QSER1: variants seen among roughly 807,000 people sequenced by gnomAD.
QSER1 encodes glutamine and serine rich 1, also known as glutamine and serine-rich protein 1.
Under a neutral mutation model 158.5 loss-of-function variants are expected in QSER1, and 49 were observed. The ratio of observed to expected loss-of-function variants is 0.31; its 90% CI spans 0.25 to 0.39. The LOEUF (loss-of-function observed/expected upper bound fraction) is 0.39. Ranked by LOEUF, QSER1 falls within the 10% of genes least tolerant of loss-of-function variation. The pLI is 1.00. For synonymous variants in QSER1, 650 were observed against 715.5 expected (o/e 0.91, Z 1.46); for missense variants, 1,754 against 2,010.3 (o/e 0.87, Z 2.44).
chr11:32,904,461 A>G (rs1851665625), intron 1 of QSER1, among the ~76,000 whole-genome samples: 2 of 152,116 alleles, frequency 1.3e-5, no homozygotes, highest in Non-Finnish European at 2.9e-5. Flanking sequence ...AAGTGCTGGG[A>G]TTACAGGTGT....
chr11:32,909,207 C>T (rs191930724), intron 1 of QSER1, among the ~76,000 whole-genome samples: 1 of 152,106 alleles, frequency 6.6e-6, no homozygotes, highest in Non-Finnish European at 1.5e-5. Context: ...CATGTCTGTG[C>T]CACACTTGTG....
At chr11:32,950,807 C>T (rs1020625211) in intron 4 of QSER1, among the ~76,000 whole-genome samples, 1 of 152,260 alleles carries the variant, frequency 6.6e-6, no homozygotes, top group Admixed American at 6.5e-5. Flanking sequence ...TTTCATTTAG[C>T]ATAATGTTTT....
In QSER1 at chr11:32,964,739, TACACACAC is replaced by T. The variant is rs1176492165; in HGVS notation, c.4970-1525_4970-1518del. Among the ~76,000 whole-genome samples, 18 of 100,754 alleles carry T rather than the reference TACACACAC, an allele frequency of 1.8e-4. No individual in the cohort carries two copies. The East Asian group carries it at 1.8e-3, about 10-fold the overall frequency. 66.1% of individuals were successfully genotyped at this position (100,754 alleles called of 152,430 possible). On this transcript the variant is annotated intron_variant, in intron 8 of 12. Transcript: ENST00000650167. ...CACCATATATATATATATATATATA[TACACACAC>T]ACACACACACACACACACACACACA...
chr11:32,946,215 C>T (rs1852329022), intron 4 of QSER1, among the ~76,000 whole-genome samples: 1 of 152,172 alleles, frequency 6.6e-6, no homozygotes. Context: ...ATTTGATCGT[C>T]TGAAGCCTTC....
At chr11:32,957,669 C>T (rs1206482086) in intron 7 of QSER1, 200 bp from the exon 8 acceptor site, 1 of 544,920 alleles carries the variant, frequency 1.8e-6, no homozygotes, top group Non-Finnish European at 3.2e-6. Context: ...ATATTGAATG[C>T]TTCTGGTGAA....
intron 2 of QSER1, 45 bp from the exon 3 acceptor site, chr11:32,927,917 A>AT (rs60934028): frequency 0.64 from 252,601 of 394,620 alleles, 60,003 homozygotes; most frequent in African/African-American, 0.75. Context: ...ATACAAGTAA[A>AT]TTTTTTTTTT....
chr11:32,951,375 C>T (rs1007155235), intron 4 of QSER1, among the ~76,000 whole-genome samples: 5 of 152,156 alleles, frequency 3.3e-5, no homozygotes, highest in African/African-American at 1.2e-4. Flanking sequence ...AGTCTGCCAA[C>T]TTTGTTCTTT....
At chr11:32,905,428 A>C (rs990447312) in intron 1 of QSER1, among the ~76,000 whole-genome samples, 3 of 152,228 alleles carry the variant, frequency 2.0e-5, no homozygotes, top group Non-Finnish European at 2.9e-5. Flanking sequence ...TTTAGACATT[A>C]AACTACTTCA....
chr11:32,904,474 G>A (rs560300281), intron 1 of QSER1, among the ~76,000 whole-genome samples: 7 of 152,280 alleles, frequency 4.6e-5, no homozygotes, highest in African/African-American at 1.4e-4. Context: ...ACAGGTGTGA[G>A]CCACTGCGCC....
intron 8 of QSER1, among the ~76,000 whole-genome samples, chr11:32,958,985 G>A (rs780268203): frequency 2.0e-5 from 3 of 152,080 alleles, no homozygotes; most frequent in Non-Finnish European, 4.4e-5. Context: ...ATGCATTTAT[G>A]TAGGTATATC....
chr11:32,947,777 T>C (rs1005145522), intron 4 of QSER1, among the ~76,000 whole-genome samples: 1 of 152,232 alleles, frequency 6.6e-6, no homozygotes, highest in African/African-American at 2.4e-5. Context: ...TAATACTGTT[T>C]ACTTGATATT....
chr11:32,916,617 G>T (rs936535212), intron 1 of QSER1, among the ~76,000 whole-genome samples: 3 of 152,148 alleles, frequency 2.0e-5, no homozygotes, highest in African/African-American at 7.2e-5. Context: ...CTACAAACCT[G>T]TACAGGATCT....
At position 32,978,641 on chromosome 11, in the gene QSER1, CTGCAGTTGCCCTCAAACTGCT is replaced by C. The variant is rs1300862231; in HGVS notation, c.*2176_*2196del. The C allele has an allele frequency of 6.6e-6, 1 of 152,174 alleles. No homozygotes were observed. Among genetic ancestry groups the C allele is most frequent in the Non-Finnish European group, 1.5e-5 (1 of 68,038 alleles). 9.4% of individuals were successfully genotyped at this position (152,174 alleles called of 1,614,324 possible). A position where few individuals can be genotyped will look rare whatever the true frequency, so the allele number is the denominator to read the frequency against. ...AGAAAATAACCCATTTCCTTTGGCA[CTGCAGTTGCCCTCAAACTGCT>C]TGCAGTTGTATTCATTTTAGTACAA... On this transcript the variant is annotated 3_prime_UTR_variant, in exon 13 of 13. Transcript: ENST00000650167.
chr11:32,909,493 G>T (rs1249623780), intron 1 of QSER1, among the ~76,000 whole-genome samples: 3 of 151,268 alleles, frequency 2.0e-5, no homozygotes, highest in Non-Finnish European at 4.4e-5. Context: ...AGGCTGGAGT[G>T]CAGTAGCACG....
chr11:32,934,318 G>A lies in QSER1; in HGVS notation c.3060G>A (p.Gln1020=), dbSNP rs1264911701. The A allele has an allele frequency of 6.2e-7, 1 of 1,613,998 alleles. No individual in the cohort carries two copies. The highest frequency in any genetic ancestry group is 1.1e-5 in the South Asian group (1 of 91,076). The change falls in exon 4 of 13, where the codon CAG becomes CAA. Residue 1020 remains glutamine, a synonymous_variant. Coordinates refer to ENST00000650167, the MANE Select transcript of QSER1 (RefSeq NM_001076786.3). ...VEDGDSKSHF[Q]QSLDVRHVTS... is the part of the protein sequence containing the mutation. ...ATGGTGATTCTAAATCTCATTTTCA[G>A]CAGTCATTAGATGTCAGGCATGTGA... is the stretch of plus-strand genomic sequence containing the variant.
chr11:32,935,671 CTG>C (rs1201194501), intron 4 of QSER1, among the ~76,000 whole-genome samples: 3 of 152,204 alleles, frequency 2.0e-5, no homozygotes, highest in Non-Finnish European at 4.4e-5. Context: ...GCAGCATAAT[CTG>C]TACAGTATGC....
Position 32,974,245 on chromosome 11 carries a change from G to T in QSER1, c.5358+696G>T, listed in dbSNP as rs544520338. Among the ~76,000 whole-genome samples, 14 of 152,072 alleles carry T rather than the reference G, an allele frequency of 9.2e-5. No homozygotes were observed. In the East Asian group the frequency reaches 2.7e-3, roughly 29 times the overall value. Reference sequence around the variant, plus strand: ...AGACCAGTCTTGGCAACAAAGCAAGGCCCCATGTCTACCCTGGGGGGAGAA... The same window carrying T: ...AGACCAGTCTTGGCAACAAAGCAAGTCCCCATGTCTACCCTGGGGGGAGAA... On this transcript the variant is annotated intron_variant, in intron 11 of 12. Coordinates refer to ENST00000650167, the MANE Select transcript of QSER1 (RefSeq NM_001076786.3).
intron 4 of QSER1, among the ~76,000 whole-genome samples, chr11:32,940,013 G>A (rs1466131639): frequency 2.1e-4 from 31 of 150,590 alleles, no homozygotes; most frequent in Admixed American, 2.1e-3. Context: ...CTGCAACTGG[G>A]ACTGCCCTTG....
Position 32,932,238 on chromosome 11 carries a change from C to T in QSER1, c.980C>T (p.Thr327Ile). ...AAACACCATCAGCGGCCTTCAGGTA[C>T]CCAGTCAATTCAGGCACAACTGACT... Reference protein sequence around the residue: ...VIKHHQRPSGTQSIQAQLTGS... With the variant: ...VIKHHQRPSGIQSIQAQLTGS... Residue 327 changes from threonine to isoleucine, a missense_variant, in exon 4 of 13, where the codon ACC becomes ATC. By Grantham distance (89) the Thr-to-Ile change is moderately conservative. This residue lies in a region of QSER1 where 1,707 missense variants were observed against 1,919.6 expected (regional missense o/e 0.89). Transcript: ENST00000650167. 6.2e-7 allele frequency: 1 copy of T among 1,614,096 alleles called. No homozygotes were observed. The highest frequency in any genetic ancestry group is 8.5e-7 in the Non-Finnish European group (1 of 1,180,014).
Sources: gnomAD v4.1 joint callset for allele counts (sites outside exome capture counted in the v4.1 genomes callset) on GRCh38, gnomAD v4.1.1 for gene constraint, gnomAD v4.1.1 regional missense constraint, MANE v1.5 for transcripts, NCBI Gene and HGNC (gene_info 2026-07-23, HGNC 2026-07-21) for gene names.